Variants in MYZAP observed in about 807,000 individuals in gnomAD.
The protein encoded by MYZAP is myocardial zonula adherens protein.
A neutral mutation model predicts 69.4 loss-of-function variants in MYZAP; 66 were observed. The observed-to-expected ratio is 0.95, with a 90% confidence interval of 0.78 to 1.17. MYZAP has a LOEUF of 1.17. Ranked by LOEUF, MYZAP falls within the 50% of genes most tolerant of loss-of-function variation. The probability of loss-of-function intolerance (pLI) is 0.00; values close to 1 mark genes in which losing one functional copy is unlikely to be tolerated. For missense variants in MYZAP, 611 were observed against 556.2 expected (o/e 1.10, Z -0.99); for synonymous variants, 256 against 205.9 (o/e 1.24, Z -2.09).
intron 12 of MYZAP, among the ~76,000 whole-genome samples, chr15:57,683,451 T>C (rs2039537493): frequency 6.6e-6 from 1 of 152,158 alleles, no homozygotes; most frequent in African/African-American, 2.4e-5. Flanking sequence ...TACATGAAAA[T>C]TTTTTATGTA....
intron 12 of MYZAP, among the ~76,000 whole-genome samples, chr15:57,677,975 G>A (rs1273476938): frequency 6.7e-6 from 1 of 148,222 alleles, no homozygotes. Flanking sequence ...AGGCCAAGGC[G>A]GGAGGATCCC....
intron 2 of MYZAP, among the ~76,000 whole-genome samples, chr15:57,606,298 C>T (rs2034742499): frequency 6.6e-6 from 1 of 152,116 alleles, no homozygotes; most frequent in Non-Finnish European, 1.5e-5. Flanking sequence ...AGGTGCACAT[C>T]ACATATGTAA....
chr15:57,673,210 C>T (rs778712000), intron 11 of MYZAP, among the ~76,000 whole-genome samples: 1 of 152,064 alleles, frequency 6.6e-6, no homozygotes, highest in Non-Finnish European at 1.5e-5. Flanking sequence ...GTATCAGTTG[C>T]GGCATATTTG....
intron 12 of MYZAP, among the ~76,000 whole-genome samples, chr15:57,677,185 G>GC (rs2140645322): frequency 6.6e-6 from 1 of 152,334 alleles, no homozygotes; most frequent in East Asian, 1.9e-4. Flanking sequence ...GCTTCGGGAT[G>GC]CCCGGGGGGA....
chr15:57,664,070 G>GTTT (rs35632598), intron 11 of MYZAP, among the ~76,000 whole-genome samples: 1 of 141,490 alleles, frequency 7.1e-6, no homozygotes, highest in Non-Finnish European at 1.5e-5. Flanking sequence ...TTCTGTTCTT[G>GTTT]TTTTTTTTTT....
intron 4 of MYZAP, among the ~76,000 whole-genome samples, chr15:57,622,578 G>A (rs2140401078): frequency 6.6e-6 from 1 of 152,216 alleles, no homozygotes. Context: ...TCAATAAAAA[G>A]TACTCCAGAA....
chr15:57,675,149 C>T, intron 12 of MYZAP, 81 bp downstream of exon 12: 1 of 1,231,400 alleles, frequency 8.1e-7, no homozygotes, highest in Non-Finnish European at 1.1e-6. Context: ...CTGTTCTTAG[C>T]AGAATTGCAT....
chr15:57,678,088 C>A (rs1242640030), intron 12 of MYZAP, among the ~76,000 whole-genome samples: 4 of 148,872 alleles, frequency 2.7e-5, no homozygotes, highest in African/African-American at 7.6e-5. Flanking sequence ...ATAGGCCAGG[C>A]ATGGTGGCTC....
At chr15:57,680,045 A>G (rs1446074512) in intron 12 of MYZAP, among the ~76,000 whole-genome samples, 1 of 152,198 alleles carries the variant, frequency 6.6e-6, no homozygotes, top group East Asian at 1.9e-4. Flanking sequence ...CATCTTGAAA[A>G]GGATGATTTT....
In MYZAP at chr15:57,622,103, G is replaced by A. The variant is rs909641568; in HGVS notation, c.411+403G>A. On this transcript the variant is annotated intron_variant, in intron 4 of 12. Coordinates refer to ENST00000267853, the MANE Select transcript of MYZAP (RefSeq NM_001018100.5). ...TGGAAAGCTCAAGTGAACATGAAATGATGAAAGAAAAACTACTACAAACAA... is the reference window on the plus strand; with the variant it reads ...TGGAAAGCTCAAGTGAACATGAAATAATGAAAGAAAAACTACTACAAACAA... Among the ~76,000 whole-genome samples, 3 of 152,078 alleles carry A rather than the reference G, an allele frequency of 2.0e-5. No homozygotes were observed. In the South Asian group the frequency reaches 6.2e-4, roughly 32 times the overall value.
At chr15:57,673,260 A>ACC (rs2038953517) in intron 11 of MYZAP, among the ~76,000 whole-genome samples, 1 of 152,140 alleles carries the variant, frequency 6.6e-6, no homozygotes. Context: ...TAGGTATTAG[A>ACC]CCCAGCATGC....
intron 10 of MYZAP, among the ~76,000 whole-genome samples, chr15:57,640,047 G>A (rs559017088): frequency 3.3e-5 from 5 of 151,644 alleles, no homozygotes; most frequent in African/African-American, 1.2e-4. Flanking sequence ...TCCCACTCCT[G>A]CTTCTTCTTC....
intron 1 of MYZAP, among the ~76,000 whole-genome samples, chr15:57,593,414 G>A (rs1243446223): frequency 6.6e-6 from 1 of 152,114 alleles, no homozygotes; most frequent in Non-Finnish European, 1.5e-5. Flanking sequence ...AAAGAATGAA[G>A]TCACTGAAAA....
intron 2 of MYZAP, among the ~76,000 whole-genome samples, chr15:57,609,576 C>T (rs2034978441): frequency 6.6e-6 from 1 of 152,198 alleles, no homozygotes; most frequent in African/African-American, 2.4e-5. Context: ...TTCCTAGGTA[C>T]TGGAGGTTAG....
intron 1 of MYZAP, among the ~76,000 whole-genome samples, chr15:57,596,020 C>T (rs2034035116): frequency 6.6e-6 from 1 of 152,272 alleles, no homozygotes; most frequent in East Asian, 1.9e-4. Flanking sequence ...TGGTTGTAGG[C>T]TCAGAAAAAG....
At chr15:57,633,769 C>G in intron 8 of MYZAP, 28 bp downstream of exon 8, 4 of 1,496,298 alleles carry the variant, frequency 2.7e-6, no homozygotes, top group Non-Finnish European at 3.6e-6. Context: ...GCCTATTGCC[C>G]ACTTGCCCAA....
At chr15:57,637,584 C>A in intron 8 of MYZAP, 111 bp from the exon 9 acceptor site, 1 of 1,209,088 alleles carries the variant, frequency 8.3e-7, no homozygotes, top group Non-Finnish European at 1.2e-6. Context: ...GTGTGTAAAA[C>A]CCAGGGGGTG....
At chr15:57,678,016 C>T (rs1257485485) in intron 12 of MYZAP, among the ~76,000 whole-genome samples, 2 of 139,746 alleles carry the variant, frequency 1.4e-5, no homozygotes, top group African/African-American at 5.7e-5. Flanking sequence ...CCAGCCTAAG[C>T]CACATAGCAG....
intron 2 of MYZAP, among the ~76,000 whole-genome samples, chr15:57,604,866 T>A (rs562801628): frequency 2.6e-4 from 39 of 152,316 alleles, no homozygotes; most frequent in African/African-American, 8.9e-4. Flanking sequence ...ACAGCTCCTG[T>A]GCTAAGTGCT....
Sources: allele counts gnomAD v4.1 joint callset (sites outside exome capture counted in the v4.1 genomes callset), GRCh38; gene constraint gnomAD v4.1.1; transcripts MANE v1.5; gene names NCBI Gene and HGNC (gene_info 2026-07-23, HGNC 2026-07-21).